NIN: variants seen among roughly 807,000 people sequenced by gnomAD.
NIN encodes the protein glycogen synthase kinase 3 beta-interacting protein.
A neutral mutation model predicts 257.6 loss-of-function variants in NIN; 137 were observed. The observed-to-expected ratio is 0.53, with a 90% CI of 0.46 to 0.61. The LOEUF (loss-of-function observed/expected upper bound fraction) is 0.61. Among genes scored for constraint, NIN ranks in the 20% least tolerant of loss-of-function variants. The pLI, the probability that NIN is intolerant of heterozygous loss-of-function variation, is 0.00. For synonymous variants in NIN, 918 were observed against 919.8 expected, an observed-to-expected ratio of 1.00 and a Z score of 0.04; for missense variants, 2,439 against 2,501.2, an observed-to-expected ratio of 0.98 and a Z score of 0.53.
chr14:50,746,792 C>T (rs2041564412), intron 22 of NIN, among the ~76,000 whole-genome samples: 1 of 152,196 alleles, frequency 6.6e-6, no homozygotes, highest in Non-Finnish European at 1.5e-5. Context: ...TGCATTTCTC[C>T]ATGAGAGGAC....
intron 22 of NIN, among the ~76,000 whole-genome samples, chr14:50,744,908 G>A (rs1016387987): frequency 1.3e-5 from 2 of 152,100 alleles, no homozygotes; most frequent in African/African-American, 2.4e-5. Context: ...CAGGCTGGGC[G>A]ACAGAGACTC....
rs1595700459 is a variant in NIN at position 50,729,726 on chromosome 14, G to A, written c.5878-3C>T. On this transcript the variant is annotated splice_region_variant and splice_polypyrimidine_tract_variant and intron_variant, in intron 28 of 30. Coordinates refer to ENST00000530997, the MANE Select transcript of NIN (RefSeq NM_020921.4). ...GCAGTGGACCTCAGGTGCTGCATCT[G>A]AAGGACAAGGGCAAAGCCCTGTTCA... 6.3e-7 allele frequency: 1 copy of A among 1,592,946 alleles called. No homozygotes were observed. Among genetic ancestry groups the A allele is most frequent in the East Asian group, 2.2e-5 (1 of 44,548 alleles).
In NIN at chr14:50,729,508, G is replaced by A. The variant is rs1199234610; in HGVS notation, c.6078+15C>T. The A allele has an allele frequency of 6.2e-7, 1 of 1,608,818 alleles. No individual in the cohort carries two copies. The highest frequency in any genetic ancestry group is 8.5e-7 in the Non-Finnish European group (1 of 1,176,778). On this transcript the variant is annotated intron_variant, in intron 29 of 30. Coordinates refer to ENST00000530997, the MANE Select transcript of NIN (RefSeq NM_020921.4). ...AATTAACAGGTGATCTACTAGAGTAGAGAGAGCTTCATACCTGTGGTGTGT... is the reference window on the plus strand; with the variant it reads ...AATTAACAGGTGATCTACTAGAGTAAAGAGAGCTTCATACCTGTGGTGTGT...
chr14:50,720,772 A>G lies in NIN; in HGVS notation c.*2691T>C, dbSNP rs1196761545. The G allele has an allele frequency of 9.9e-6, 2 of 202,958 alleles. No individual in the cohort carries two copies. Among genetic ancestry groups the G allele is most frequent in the Admixed American group, 1.2e-4 (2 of 16,712 alleles). 12.6% of individuals were successfully genotyped at this position (202,958 alleles called of 1,614,324 possible). On this transcript the variant is annotated 3_prime_UTR_variant, in exon 31 of 31. Transcript: ENST00000530997. ...AGAAGAGAGTACAATAGGATGAGAG[A>G]GGTGGGTTTTACTATCCACATTTTC...
At chr14:50,759,524 C>G (rs953889248) in intron 17 of NIN, among the ~76,000 whole-genome samples, 70 of 150,324 alleles carry the variant, frequency 4.7e-4, no homozygotes, top group Admixed American at 9.2e-4. Context: ...GACGGAGTCT[C>G]GCTCTGTCGC....
At chr14:50,760,458 T>TC (rs1566817236) in intron 16 of NIN, 99 bp from the exon 17 acceptor site, 2 of 959,928 alleles carry the variant, frequency 2.1e-6, no homozygotes, top group African/African-American at 1.7e-5. Flanking sequence ...TTTTTTTTTT[T>TC]CCCTACAAGA....
intron 29 of NIN, chr14:50,727,749 G>C: frequency 7.0e-7 from 1 of 1,423,850 alleles, no homozygotes; most frequent in Non-Finnish European, 9.5e-7. Context: ...CCGGTAGCAA[G>C]GCCTAGAGAA....
At chr14:50,823,422 C>T in intron 2 of NIN, 3 of 398,216 alleles carry the variant, frequency 7.5e-6, no homozygotes, top group Middle Eastern at 3.6e-4. Flanking sequence ...GGTGATCGTC[C>T]ATACGGCAGA....
At chr14:50,797,749 A>G (rs2043905015) in intron 4 of NIN, among the ~76,000 whole-genome samples, 1 of 152,218 alleles carries the variant, frequency 6.6e-6, no homozygotes. Context: ...AGACCAGTGG[A>G]AACTGACACA....
intron 2 of NIN, among the ~76,000 whole-genome samples, chr14:50,828,645 T>C (rs114279432): frequency 6.1e-4 from 93 of 152,356 alleles, no homozygotes; most frequent in African/African-American, 2.1e-3. Flanking sequence ...CCTTTATCAA[T>C]GTAAGACTGA....
At chr14:50,787,300 T>C (rs1401283261) in intron 5 of NIN, among the ~76,000 whole-genome samples, 1 of 152,228 alleles carries the variant, frequency 6.6e-6, no homozygotes, top group African/African-American at 2.4e-5. Context: ...TGCACAACCT[T>C]TTCTACCAGG....
chr14:50,726,398 C>T (rs2984271), intron 29 of NIN: 2 of 226,560 alleles, frequency 8.8e-6, no homozygotes, highest in East Asian at 9.0e-5. Flanking sequence ...CTTGGAAGAT[C>T]GCTATCAACC....
At chr14:50,739,262 T>G in intron 26 of NIN, 46 bp downstream of exon 26, 1 of 1,572,618 alleles carries the variant, frequency 6.4e-7, no homozygotes, top group Non-Finnish European at 8.7e-7. Flanking sequence ...CCTATCAAAC[T>G]AGTCATTTTC....
chr14:50,774,963 C>A (rs2042865885), intron 7 of NIN, among the ~76,000 whole-genome samples: 1 of 152,164 alleles, frequency 6.6e-6, no homozygotes, highest in East Asian at 1.9e-4. Flanking sequence ...CTTACATGGA[C>A]CAGGTCTTTG....
intron 5 of NIN, among the ~76,000 whole-genome samples, chr14:50,779,735 G>C (rs1418985490): frequency 1.5e-4 from 23 of 151,402 alleles, no homozygotes; most frequent in African/African-American, 4.1e-4. Context: ...TCCAGCCTGG[G>C]CAACAGAGCG....
At chr14:50,809,140 G>C (rs1266438332) in intron 3 of NIN, among the ~76,000 whole-genome samples, 1 of 152,334 alleles carries the variant, frequency 6.6e-6, no homozygotes, top group East Asian at 1.9e-4. Context: ...AGAATTGCTT[G>C]AACTTGGGAG....
intron 9 of NIN, among the ~76,000 whole-genome samples, 175 bp from the exon 10 acceptor site, chr14:50,771,643 T>C (rs2042736783): frequency 6.6e-6 from 1 of 152,078 alleles, no homozygotes; most frequent in African/African-American, 2.4e-5. Flanking sequence ...ACAGTTAAGT[T>C]TTCTCTAAGG....
chr14:50,823,585 A>G (rs2045332778), intron 2 of NIN: 1 of 194,266 alleles, frequency 5.1e-6, no homozygotes. Context: ...CAACAGGGCC[A>G]CGATCTTGCC....
intron 23 of NIN, among the ~76,000 whole-genome samples, 157 bp from the exon 24 acceptor site, chr14:50,743,686 C>G (rs2041399823): frequency 6.6e-6 from 1 of 152,166 alleles, no homozygotes; most frequent in African/African-American, 2.4e-5. Flanking sequence ...GGCTCCAAAT[C>G]GAGACAAACC....
Sources: allele counts gnomAD v4.1 joint callset (sites outside exome capture counted in the v4.1 genomes callset), GRCh38; gene constraint gnomAD v4.1.1; transcripts MANE v1.5; gene names NCBI Gene and HGNC (gene_info 2026-07-23, HGNC 2026-07-21).